The following IGSF9B variants were observed in gnomAD, a reference collection of about 807,000 sequenced individuals.
IGSF9B encodes the protein protein turtle homolog B.
A neutral mutation model predicts 143.7 loss-of-function variants in IGSF9B; 48 were observed. That is an observed-to-expected ratio of 0.33 (90% CI 0.26 to 0.42). IGSF9B has a LOEUF of 0.42. Among genes scored for constraint, IGSF9B ranks in the 20% least tolerant of loss-of-function variants. IGSF9B has a pLI of 1.00. For synonymous variants in IGSF9B, 903 were observed against 833.1 expected (o/e 1.08, Z -1.44); for missense variants, 1,706 against 1,980.0 (o/e 0.86, Z 2.63).
rs778276636 is a variant in IGSF9B at position 133,920,838 on chromosome 11, G to A, written c.2887C>T (p.His963Tyr). Residue 963 changes from histidine to tyrosine, a missense_variant, in exon 18 of 20, where the codon CAT becomes TAT. Physicochemically the swap from His to Tyr is moderately conservative, Grantham distance 83. Transcript: ENST00000533871. The stretch of plus-strand genomic sequence containing the variant: ...CTGAGGTACCCATAATACTGGCCAT[G>A]GTGGAAGGGCCGGGGGGCAGGGGGC... ...ARPPAPRPFH[H>Y]GQYYGYLSSS... 8.7e-6 allele frequency: 14 copies of A among 1,601,072 alleles called. No individual in the cohort carries two copies. The African/African-American group carries it at 1.9e-4, about 21-fold the overall frequency.
rs779449011 is a variant in IGSF9B at position 133,944,319 on chromosome 11, G to A, written c.310C>T (p.Arg104Cys). The A allele has an allele frequency of 4.3e-6, 7 of 1,613,938 alleles. No individual in the cohort carries two copies. The highest frequency in any genetic ancestry group is 2.2e-5 in the East Asian group (1 of 44,878). Reference sequence around the variant, plus strand: ...TCATACCAGCCCTGGTCCTCAGAGCGAACTTGTTCCAGCCGCAGAGATGCC... The same window carrying A: ...TCATACCAGCCCTGGTCCTCAGAGCAAACTTGTTCCAGCCGCAGAGATGCC... ...DKASLRLEQV[R>C]SEDQGWYECK... Residue 104 changes from arginine (R) to cysteine (C), a missense_variant, in exon 3 of 20, where the codon CGC becomes TGC. Arg to Cys is a radical substitution (Grantham distance 180). Transcript: ENST00000533871.
In IGSF9B at chr11:133,953,307, G is replaced by T. The variant is rs1299671207; in HGVS notation, c.64+3384C>A. Among the ~76,000 whole-genome samples, 1 of 152,220 alleles carries T rather than the reference G, an allele frequency of 6.6e-6. No individual in the cohort carries two copies. Among genetic ancestry groups the T allele is most frequent in the Non-Finnish European group, 1.5e-5 (1 of 68,024 alleles). ...CAGGGCCACAGGCCCGCGGCTGAAA[G>T]CTGATTGCCCTCTGCCCCTCAGCCA... On this transcript the variant is annotated intron_variant, in intron 1 of 19. Transcript: ENST00000533871. The surrounding 1 kb of genome is among the most constrained non-coding windows in gnomAD (Gnocchi z 4.2).
chr11:133,944,206 A>G lies in IGSF9B; in HGVS notation c.409+14T>C. 1.3e-6 allele frequency: 2 copies of G among 1,586,370 alleles called. No individual in the cohort carries two copies. The highest frequency in any genetic ancestry group is 1.7e-6 in the Non-Finnish European group (2 of 1,164,352). On this transcript the variant is annotated intron_variant, in intron 3 of 19. Coordinates refer to ENST00000533871, the MANE Select transcript of IGSF9B (RefSeq NM_001277285.4). ...TGATGGTGAGGTGGACCCACCCTGG[A>G]AGCCGTCACTCACCGTTGATGGTGA...
Position 133,956,869 on chromosome 11 carries a change from C to A in IGSF9B, c.-115G>T. ...CGCCTCGCGCCGCCTACGCCCCGCG[C>A]CGGTGCTCCTGCAGCCCGGGTGGCC... On this transcript the variant is annotated 5_prime_UTR_variant, in exon 1 of 20. Coordinates refer to ENST00000533871, the MANE Select transcript of IGSF9B (RefSeq NM_001277285.4). 1 of 529,846 alleles carries A rather than the reference C, an allele frequency of 1.9e-6. No individual in the cohort carries two copies. The highest frequency in any genetic ancestry group is 3.0e-6 in the Non-Finnish European group (1 of 336,528). The allele number at this position is 529,846 out of a possible 1,614,324, so 32.8% of individuals were successfully genotyped here. A position where few individuals can be genotyped will look rare whatever the true frequency, so the allele number is the denominator to read the frequency against.
chr11:133,911,848 G>T, intron 19 of IGSF9B, 38 bp downstream of exon 19: 1 of 1,476,450 alleles, frequency 6.8e-7, no homozygotes, highest in African/African-American at 1.4e-5. Context: ...GGCAAGGCAA[G>T]GTGGGAGGAG....
In IGSF9B at chr11:133,913,962, G is replaced by C. The variant is rs1372916531; in HGVS notation, c.3984-1955C>G. On this transcript the variant is annotated intron_variant, in intron 18 of 19. Coordinates refer to ENST00000533871, the MANE Select transcript of IGSF9B (RefSeq NM_001277285.4). This position sits in a 1 kb window ranked among gnomAD's most constrained non-coding sequence, Gnocchi z 4.6. ...GGGAGGCGCATGACCGGCAAGAAGA[G>C]TGCTCTCCAATGTCATCCAGGGCGA... is the stretch of plus-strand genomic sequence containing the variant. 5.9e-5 allele frequency among the ~76,000 whole-genome samples: 9 copies of C among 152,336 alleles called. No homozygotes were observed. The East Asian group carries it at 1.7e-3, about 29-fold the overall frequency.
chr11:133,907,937 G>A lies in IGSF9B; in HGVS notation c.*1132C>T, dbSNP rs530448795. On this transcript the variant is annotated 3_prime_UTR_variant, in exon 20 of 20. Coordinates refer to ENST00000533871, the MANE Select transcript of IGSF9B (RefSeq NM_001277285.4). The stretch of plus-strand genomic sequence containing the variant: ...GTGCGGGAAAGCCACAGGCGGCTCC[G>A]CACAAGTGGTAATTAATCAATCTGG... 5.0e-4 allele frequency among the ~76,000 whole-genome samples: 76 copies of A among 152,328 alleles called. No homozygotes were observed. The highest frequency in any genetic ancestry group is 3.4e-3 in the Middle Eastern group (1 of 294).
chr11:133,901,284 G>A lies in IGSF9B; in HGVS notation c.*7785C>T, dbSNP rs329653. 0.45 allele frequency: 67,911 copies of A among 152,166 alleles called. 17,683 individuals carry two copies. The highest frequency in any genetic ancestry group is 0.67 in the East Asian group (3,465 of 5,176). 9.4% of individuals were successfully genotyped at this position (152,166 alleles called of 1,614,324 possible). A position where few individuals can be genotyped will look rare whatever the true frequency, so the allele number is the denominator to read the frequency against. ...AGAGAGAATACCAAAGGAAGAGCAG[G>A]GAAGGAGGTGGCGTCAAGGCATGAG... On this transcript the variant is annotated 3_prime_UTR_variant, in exon 20 of 20. Coordinates refer to ENST00000533871, the MANE Select transcript of IGSF9B (RefSeq NM_001277285.4).
In IGSF9B at chr11:133,920,341, A is replaced by C; in HGVS notation, c.3384T>G (p.Pro1128=). Residue 1128 remains proline, a synonymous_variant, in exon 18 of 20, where the codon CCT becomes CCG. Coordinates refer to ENST00000533871, the MANE Select transcript of IGSF9B (RefSeq NM_001277285.4). ...GTCGCAGCTGCCCTTGGCTTACCAG[A>C]GGTTGCATAGGTCTGTCCTGCCACT... ...AAKWQDRPMQ[P]LVSQGQLRHT... is the part of the protein sequence containing the mutation. The C allele has an allele frequency of 6.3e-7, 1 of 1,599,324 alleles. No individual in the cohort carries two copies. Among genetic ancestry groups the C allele is most frequent in the Non-Finnish European group, 8.5e-7 (1 of 1,173,046 alleles).
At position 133,921,348 on chromosome 11, in the gene IGSF9B, G is replaced by A. The variant is rs767488814; in HGVS notation, c.2377C>T (p.Pro793Ser). The change falls in exon 18 of 20, where the codon CCG becomes TCG. Residue 793 changes from proline to serine, a missense_variant. Around this residue, in one of 7 missense-constraint regions of IGSF9B, gnomAD observed 135 missense variants for 181.3 expected, o/e 0.74. Coordinates refer to ENST00000533871, the MANE Select transcript of IGSF9B (RefSeq NM_001277285.4). ...SPESIRTLRA[P>S]SESSDDQGQP... The stretch of plus-strand genomic sequence containing the variant: ...CCCTGGTCGTCGGAGGATTCTGACG[G>A]CGCTCGGAGCGTGCGGATGCTCTCG... The A allele has an allele frequency of 6.3e-7, 1 of 1,577,700 alleles. No homozygotes were observed. Among genetic ancestry groups the A allele is most frequent in the Non-Finnish European group, 8.6e-7 (1 of 1,161,496 alleles).
At chr11:133,949,269 G>C (rs1205166666) in intron 1 of IGSF9B, among the ~76,000 whole-genome samples, 1 of 152,108 alleles carries the variant, frequency 6.6e-6, no homozygotes, top group African/African-American at 2.4e-5. Context: ...AAGCCCTCTT[G>C]CTTTTCTGGA....
chr11:133,939,649 A>G (rs1939886453), intron 3 of IGSF9B, among the ~76,000 whole-genome samples: 1 of 152,284 alleles, frequency 6.6e-6, no homozygotes, highest in South Asian at 2.1e-4. Context: ...CAAAGCCTGC[A>G]GCTCAGTGCA....
At chr11:133,938,071 G>C in intron 3 of IGSF9B, 110 bp from the exon 4 acceptor site, 2 of 1,235,596 alleles carry the variant, frequency 1.6e-6, no homozygotes, top group Non-Finnish European at 2.2e-6. Context: ...CGGAATGCAA[G>C]GACAAAGGAA....
Position 133,937,492 on chromosome 11 carries a change from A to G in IGSF9B, c.563T>C (p.Val188Ala). 1 of 1,612,696 alleles carries G rather than the reference A, an allele frequency of 6.2e-7. No homozygotes were observed. Among genetic ancestry groups the G allele is most frequent in the Non-Finnish European group, 8.5e-7 (1 of 1,179,072 alleles). Residue 188 changes from valine to alanine, a missense_variant and splice_region_variant, in exon 5 of 20, where the codon GTG becomes GCG. Transcript: ENST00000533871. ...TLLGASGKYQVSDGSLTVTSV... is the reference protein window; with the variant it reads ...TLLGASGKYQASDGSLTVTSV... The stretch of plus-strand genomic sequence containing the variant: ...TGTCACTGTCAGGCTGCCGTCACTC[A>G]CCTGGGAGCCCAAAACAGAGGGAGC...
chr11:133,935,609 C>T lies in IGSF9B; in HGVS notation c.967+8G>A, dbSNP rs1939807592. On this transcript the variant is annotated splice_region_variant and intron_variant, in intron 7 of 19. Coordinates refer to ENST00000533871, the MANE Select transcript of IGSF9B (RefSeq NM_001277285.4). The stretch of plus-strand genomic sequence containing the variant: ...CCACCACCCAGGCTCCCCTGCACCC[C>T]TACTCACACTGCACGGTCAGGTACG... The T allele has an allele frequency of 6.2e-7, 1 of 1,608,206 alleles. No homozygotes were observed. Among genetic ancestry groups the T allele is most frequent in the Admixed American group, 1.7e-5 (1 of 59,522 alleles).
Position 133,928,288 on chromosome 11 carries a change from C to T in IGSF9B, c.1632-1197G>A, listed in dbSNP as rs930815072. On this transcript the variant is annotated intron_variant, in intron 12 of 19. Transcript: ENST00000533871. The surrounding 1 kb of genome is among the most constrained non-coding windows in gnomAD (Gnocchi z 4.7). ...CCGGGCAGGCTGGTTAGGGCCCCCACGCTGCTGCGGGAGGAACAGAGTAAG... is the reference window on the plus strand; with the variant it reads ...CCGGGCAGGCTGGTTAGGGCCCCCATGCTGCTGCGGGAGGAACAGAGTAAG... 6.6e-6 allele frequency among the ~76,000 whole-genome samples: 1 copy of T among 152,178 alleles called. No homozygotes were observed. Among genetic ancestry groups the T allele is most frequent in the African/African-American group, 2.4e-5 (1 of 41,454 alleles).
rs758008181 is a variant in IGSF9B at position 133,956,666 on chromosome 11, G to A, written c.64+25C>T. On this transcript the variant is annotated intron_variant, in intron 1 of 19. Transcript: ENST00000533871. ...GGCCGAGGGCGCCGGGAGGGGCAGG[G>A]GAGGGACGCCGCACTTCAACTCACC... 4 of 1,507,896 alleles carry A rather than the reference G, an allele frequency of 2.7e-6. No homozygotes were observed. In the African/African-American group the frequency reaches 5.8e-5, roughly 22 times the overall value. 93.4% of individuals were successfully genotyped at this position (1,507,896 alleles called of 1,614,324 possible). A position where few individuals can be genotyped will look rare whatever the true frequency, so the allele number is the denominator to read the frequency against.
rs1041464793 is a variant in IGSF9B at position 133,909,286 on chromosome 11, A to G, written c.4106-9T>C. The G allele has an allele frequency of 6.5e-7, 1 of 1,534,056 alleles. No homozygotes were observed. The highest frequency in any genetic ancestry group is 1.4e-5 in the African/African-American group (1 of 72,972). On this transcript the variant is annotated splice_polypyrimidine_tract_variant and intron_variant, in intron 19 of 19. Transcript: ENST00000533871. The surrounding 1 kb of genome is among the most constrained non-coding windows in gnomAD (Gnocchi z 4.2). ...CTGGGAGGCAGAATCGTCTAGGAAG[A>G]AAGGAAGAGGGACGCAAAAGAGAAG...
rs769428972 is a variant in IGSF9B at position 133,937,691 on chromosome 11, C to G, written c.561+119G>C. 2.3e-6 allele frequency: 3 copies of G among 1,303,820 alleles called. No individual in the cohort carries two copies. In the Admixed American group the frequency reaches 7.0e-5, roughly 30 times the overall value. 80.8% of individuals were successfully genotyped at this position (1,303,820 alleles called of 1,614,324 possible). A position where few individuals can be genotyped will look rare whatever the true frequency, so the allele number is the denominator to read the frequency against. On this transcript the variant is annotated intron_variant, in intron 4 of 19. Transcript: ENST00000533871. ...AGACGCCTGCAGCTGAGCCAGGCTA[C>G]GGCTTTCCAGCCTCCTCTGTGCTTG...
Sources: allele counts gnomAD v4.1 joint callset (sites outside exome capture counted in the v4.1 genomes callset), GRCh38; gene constraint gnomAD v4.1.1; regional missense constraint gnomAD v4.1.1; non-coding constraint Gnocchi (gnomAD v3.1); transcripts MANE v1.5; gene names NCBI Gene and HGNC (gene_info 2026-07-23, HGNC 2026-07-21).